Variants in TP53I13 observed in about 807,000 individuals in gnomAD.
The protein encoded by TP53I13 is tumor protein p53 inducible protein 13, also known as tumor protein p53-inducible protein 13.
Under a neutral mutation model 39.1 loss-of-function variants are expected in TP53I13, and 27 were observed. That is an observed-to-expected ratio of 0.69 (90% CI 0.51 to 0.95). The LOEUF is 0.95. TP53I13 is among the 40% of genes least tolerant of loss of function. The pLI, the probability that TP53I13 is intolerant of heterozygous loss-of-function variation, is 0.00. For missense variants in TP53I13, 544 were observed against 520.4 expected, an observed-to-expected ratio of 1.05 and a Z score of -0.44; for synonymous variants, 230 against 224.6, an observed-to-expected ratio of 1.02 and a Z score of -0.22.
At chr17:29,567,093 G>A (rs1303115157), upstream of TP53I13, 21 of 820,922 alleles carry the variant, frequency 2.6e-5, no homozygotes, top group Middle Eastern at 5.1e-4. This position sits in a 1 kb window ranked among gnomAD's most constrained non-coding sequence, Gnocchi z 6.6. Context: ...GGCGCGCTCT[G>A]GATTGGCCGT....
At chr17:29,573,419 ACC>A (rs2033056911), downstream of TP53I13, 1 of 153,932 alleles carries the variant, frequency 6.5e-6, no homozygotes, top group African/African-American at 2.4e-5. Context: ...ACTTGCAGTC[ACC>A]CTTCATGTCT....
chr17:29,573,682 G>A (rs983543222), downstream of TP53I13: 1 of 152,534 alleles, frequency 6.6e-6, no homozygotes, highest in Non-Finnish European at 1.5e-5. Flanking sequence ...TGCAGGTAGT[G>A]ATGGTGGGTG....
chr17:29,574,040 C>G (rs3211044), downstream of TP53I13: 1 of 152,286 alleles, frequency 6.6e-6, no homozygotes, highest in East Asian at 1.9e-4. Context: ...GCCTCCGGAA[C>G]GGCACTGCCG....
chr17:29,571,650 T>C lies in TP53I13; in HGVS notation c.243T>C (p.Leu81=). Residue 81 remains leucine, a synonymous_variant, in exon 4 of 7, where the codon CTT becomes CTC. Transcript: ENST00000301057. ...CCCATCCCTGGCTGAAGCTCCAGCT[T>C]GCCCTCCTGGCCTATGCTTGTATGG... ...PCAHPWLKLQ[L]ALLAYACMAN... The C allele has an allele frequency of 6.2e-7, 1 of 1,614,192 alleles. No homozygotes were observed. The highest frequency in any genetic ancestry group is 1.1e-5 in the South Asian group (1 of 91,086).
the TP53I13 span, chr17:29,578,691 GC>G: frequency 6.4e-7 from 1 of 1,565,070 alleles, no homozygotes; most frequent in Non-Finnish European, 8.8e-7. Context: ...TCAGAGAGGG[GC>G]CAGCTTCAAG....
rs2150811426 is a variant in TP53I13, at chr17:29,572,845, G to A, written c.1103G>A (p.Arg368His). 1 of 1,524,736 alleles carries A rather than the reference G, an allele frequency of 6.6e-7. No homozygotes were observed. The highest frequency in any genetic ancestry group is 1.2e-5 in the South Asian group (1 of 82,788). 94.5% of individuals were successfully genotyped at this position (1,524,736 alleles called of 1,614,324 possible). A position where few individuals can be genotyped will look rare whatever the true frequency, so the allele number is the denominator to read the frequency against. ...VLKRRLLQPS[R>H]RVKRSRRRPL... ...AAGCGGAGGCTGCTGCAGCCCTCGC[G>A]CCGGGTCAAGCGCTCGCGCCGGAGA... Residue 368 changes from arginine to histidine, a missense_variant, in exon 7 of 7, where the codon CGC becomes CAC. Transcript: ENST00000301057.
chr17:29,579,136 C>G, the TP53I13 span: 5 of 688,606 alleles, frequency 7.3e-6, no homozygotes, highest in Non-Finnish European at 1.3e-5. Flanking sequence ...TTCATCTCAC[C>G]GCGTCCCCCA....
Position 29,572,271 on chromosome 17 carries a change from C to A in TP53I13, c.643C>A (p.Pro215Thr). ...RRLRAALGPQ[P>T]TRSALRFPSA... ...GCTGCGGGCTGCCCTTGGTCCCCAG[C>A]CCACTCGCTCAGCCCTGAGGTTTCC... Residue 215 changes from proline to threonine, a missense_variant, in exon 6 of 7, where the codon CCC becomes ACC. By Grantham distance (38) the Pro-to-Thr change is conservative. Transcript: ENST00000301057. The A allele has an allele frequency of 6.2e-7, 1 of 1,612,876 alleles. No homozygotes were observed.
In TP53I13 at chr17:29,572,932, G is replaced by T; in HGVS notation, c.*8G>T. 1 of 1,462,946 alleles carries T rather than the reference G, an allele frequency of 6.8e-7. No homozygotes were observed. Among genetic ancestry groups the T allele is most frequent in the Non-Finnish European group, 9.0e-7 (1 of 1,112,596 alleles). 90.6% of individuals were successfully genotyped at this position (1,462,946 alleles called of 1,614,324 possible). ...GGCGAGAGCTCGGAGTGACGGCCTG[G>T]GACCTGCCACTGTGGCGTGCGGCTC... On this transcript the variant is annotated 3_prime_UTR_variant, in exon 7 of 7. Transcript: ENST00000301057.
intron 3 of TP53I13, chr17:29,570,100 T>C (rs1261354799): frequency 6.8e-6 from 1 of 147,702 alleles, no homozygotes; most frequent in African/African-American, 2.5e-5. Context: ...AGAGACGAGG[T>C]TTCACCATGT....
downstream of TP53I13, chr17:29,576,762 A>G (rs1598566417): frequency 3.2e-6 from 5 of 1,585,330 alleles, no homozygotes; most frequent in East Asian, 1.1e-4. Context: ...GGAGCAGCCC[A>G]CCTGTCCCTC....
the TP53I13 span, chr17:29,578,761 C>T: frequency 6.2e-7 from 1 of 1,614,082 alleles, no homozygotes; most frequent in Non-Finnish European, 8.5e-7. Flanking sequence ...CAGCTTTGGC[C>T]AATTCGGATA....
At chr17:29,575,929 A>G, downstream of TP53I13, 2 of 1,575,028 alleles carry the variant, frequency 1.3e-6, no homozygotes, top group African/African-American at 1.3e-5. The surrounding 1 kb of genome is among the most constrained non-coding windows in gnomAD (Gnocchi z 5.5). Context: ...GGATGGAGTC[A>G]GTGTGCCCCA....
In TP53I13 at chr17:29,571,651, G is replaced by A; in HGVS notation, c.244G>A (p.Ala82Thr). 6.2e-7 allele frequency: 1 copy of A among 1,614,140 alleles called. No homozygotes were observed. Among genetic ancestry groups the A allele is most frequent in the Non-Finnish European group, 8.5e-7 (1 of 1,180,018 alleles). ...CAHPWLKLQL[A>T]LLAYACMANP... ...CCATCCCTGGCTGAAGCTCCAGCTT[G>A]CCCTCCTGGCCTATGCTTGTATGGC... is the stretch of plus-strand genomic sequence containing the variant. Residue 82 changes from alanine to threonine, a missense_variant, in exon 4 of 7, where the codon GCC becomes ACC. Coordinates refer to ENST00000301057, the MANE Select transcript of TP53I13 (RefSeq NM_138349.4).
At chr17:29,576,595 G>A (rs2033212608), downstream of TP53I13, 1 of 1,614,074 alleles carries the variant, frequency 6.2e-7, no homozygotes, top group East Asian at 2.2e-5. Flanking sequence ...CTTTGCCTCC[G>A]ATGTAGCCAG....
chr17:29,572,241 C>T lies in TP53I13; in HGVS notation c.613C>T (p.Arg205Trp), dbSNP rs1422731582. 1.7e-5 allele frequency: 27 copies of T among 1,612,422 alleles called. No homozygotes were observed. The highest frequency in any genetic ancestry group is 2.2e-5 in the Non-Finnish European group (26 of 1,180,000). ...GCCCTCTTCTAGTGGTGCCAAGAGG[C>T]GGAGGCTGCGGGCTGCCCTTGGTCC... ...RQPSSSGAKRRRLRAALGPQP... is the reference protein window; with the variant it reads ...RQPSSSGAKRWRLRAALGPQP... The change falls in exon 6 of 7, where the codon CGG becomes TGG. Residue 205 changes from arginine (R) to tryptophan (W), a missense_variant. Transcript: ENST00000301057.
upstream of TP53I13, chr17:29,567,623 G>C (rs2032755527): frequency 6.6e-6 from 1 of 152,148 alleles, no homozygotes; most frequent in Admixed American, 6.5e-5. The surrounding 1 kb of genome is among the most constrained non-coding windows in gnomAD (Gnocchi z 6.6). Context: ...GCCTGCATCA[G>C]TGCGGGTCCC....
chr17:29,578,972 T>C, the TP53I13 span: 5 of 1,613,906 alleles, frequency 3.1e-6, no homozygotes, highest in South Asian at 1.1e-5. Context: ...CTCTGAGACA[T>C]GCACTTTTGC....
downstream of TP53I13, chr17:29,574,824 G>T: frequency 6.2e-7 from 1 of 1,610,312 alleles, no homozygotes; most frequent in Non-Finnish European, 8.5e-7. Context: ...CCGGGCTCTG[G>T]GGGCACTGTC....
Sources: allele counts gnomAD v4.1 joint callset, GRCh38; gene constraint gnomAD v4.1.1; non-coding constraint Gnocchi (gnomAD v3.1); transcripts MANE v1.5; gene names NCBI Gene and HGNC (gene_info 2026-07-23, HGNC 2026-07-21).